DENND1A: variants seen among roughly 807,000 people sequenced by gnomAD.
DENND1A encodes the protein DENN domain-containing protein 1A.
In DENND1A, 51 loss-of-function variants were observed where a neutral mutation model predicts 113.7. That is an observed-to-expected ratio of 0.45 (90% CI 0.36 to 0.57). DENND1A has a LOEUF of 0.57. Ranked by LOEUF, DENND1A falls within the 20% of genes least tolerant of loss-of-function variation. The probability of loss-of-function intolerance (pLI) is 0.00; values close to 1 mark genes in which losing one functional copy is unlikely to be tolerated. For synonymous variants in DENND1A, 565 were observed against 570.8 expected (o/e 0.99, Z 0.14); for missense variants, 1,258 against 1,395.9 (o/e 0.90, Z 1.57).
Position 123,452,284 on chromosome 9 carries a change from A to G in DENND1A, c.1291T>C (p.Tyr431His). ...TKANPAMKTVYKFAKDHAKMG... is the reference protein window; with the variant it reads ...TKANPAMKTVHKFAKDHAKMG... ...GCAAGACCAGTACTTACGAACTTGT[A>G]GACAGTCTTCATGGCCGGATTTGCT... Residue 431 changes from tyrosine to histidine, a missense_variant, in exon 17 of 24, where the codon TAC (tyrosine) becomes CAC (histidine). By Grantham distance (83) the Tyr-to-His change is moderately conservative. Around this residue, in one of 2 missense-constraint regions of DENND1A, gnomAD observed 1,159 missense variants for 1,231.7 expected, o/e 0.94. Coordinates refer to ENST00000394215, the MANE Select transcript of DENND1A (RefSeq NM_001352964.2). 1 of 1,614,226 alleles carries G rather than the reference A, an allele frequency of 6.2e-7. No individual in the cohort carries two copies. Among genetic ancestry groups the G allele is most frequent in the South Asian group, 1.1e-5 (1 of 91,082 alleles).
intron 2 of DENND1A, among the ~76,000 whole-genome samples, chr9:123,866,070 A>G (rs1845766202): frequency 6.6e-6 from 1 of 152,174 alleles, no homozygotes; most frequent in South Asian, 2.1e-4. Flanking sequence ...TTTTCCTTTC[A>G]TGGTAAGCAC....
chr9:123,391,131 G>A (rs144393273), intron 21 of DENND1A, among the ~76,000 whole-genome samples: 32 of 152,356 alleles, frequency 2.1e-4, no homozygotes, highest in African/African-American at 7.0e-4. Context: ...TGTGGTGGGC[G>A]GGGGAAGAGA....
intron 1 of DENND1A, among the ~76,000 whole-genome samples, chr9:123,894,795 G>C (rs961133684): frequency 1.3e-5 from 2 of 152,122 alleles, no homozygotes; most frequent in African/African-American, 2.4e-5. Context: ...CACAAAATTT[G>C]TTTTTAAGTC....
chr9:123,576,329 G>A (rs913509113), intron 12 of DENND1A, among the ~76,000 whole-genome samples: 1 of 152,140 alleles, frequency 6.6e-6, no homozygotes, highest in Non-Finnish European at 1.5e-5. Context: ...TTACAAATGA[G>A]AAAGTAAATT....
chr9:123,553,402 C>A (rs1223845235), intron 13 of DENND1A, among the ~76,000 whole-genome samples: 8 of 65,572 alleles, frequency 1.2e-4, no homozygotes, highest in South Asian at 4.5e-4. Context: ...TAAAAGCCGC[C>A]CCCCCCCCGC....
chr9:123,716,200 C>T (rs2066966528), intron 5 of DENND1A, among the ~76,000 whole-genome samples: 1 of 152,172 alleles, frequency 6.6e-6, no homozygotes, highest in African/African-American at 2.4e-5. Flanking sequence ...ATTATTTTCC[C>T]TGCAATCATT....
intron 2 of DENND1A, among the ~76,000 whole-genome samples, chr9:123,837,871 G>A (rs1358818586): frequency 1.3e-5 from 2 of 152,172 alleles, no homozygotes; most frequent in Non-Finnish European, 2.9e-5. Context: ...CACTGCTCCT[G>A]CACATGTTGT....
At chr9:123,441,600 G>A (rs1442385301) in intron 18 of DENND1A, among the ~76,000 whole-genome samples, 2 of 152,244 alleles carry the variant, frequency 1.3e-5, no homozygotes, top group Non-Finnish European at 2.9e-5. Context: ...GACTATACAC[G>A]TGGGTCATTT....
At chr9:123,499,493 A>C (rs1179554678) in intron 13 of DENND1A, among the ~76,000 whole-genome samples, 1 of 152,226 alleles carries the variant, frequency 6.6e-6, no homozygotes, top group African/African-American at 2.4e-5. Flanking sequence ...GCTGAGCACC[A>C]GGCAGCGCTC....
chr9:123,548,196 C>T (rs2056825445), intron 13 of DENND1A, among the ~76,000 whole-genome samples: 1 of 152,150 alleles, frequency 6.6e-6, no homozygotes, highest in Admixed American at 6.6e-5. Context: ...GAAGCACCTC[C>T]CCTTATCCTT....
intron 2 of DENND1A, among the ~76,000 whole-genome samples, chr9:123,875,922 G>A (rs920177468): frequency 6.6e-6 from 1 of 152,186 alleles, no homozygotes; most frequent in Non-Finnish European, 1.5e-5. Context: ...CTCTTGCCAG[G>A]ACCAGTATTT....
At chr9:123,793,619 C>A (rs1195691812) in intron 2 of DENND1A, among the ~76,000 whole-genome samples, 2 of 152,090 alleles carry the variant, frequency 1.3e-5, no homozygotes, top group Non-Finnish European at 2.9e-5. Flanking sequence ...CCATGGCTAC[C>A]TTTAAACACC....
At chr9:123,809,477 A>T (rs1273446961) in intron 2 of DENND1A, among the ~76,000 whole-genome samples, 6 of 152,122 alleles carry the variant, frequency 3.9e-5, no homozygotes, top group Non-Finnish European at 8.8e-5. Flanking sequence ...AGCCTGAGAC[A>T]ACTCATTGCT....
intron 13 of DENND1A, among the ~76,000 whole-genome samples, chr9:123,500,870 G>A (rs887919343): frequency 8.5e-5 from 13 of 152,184 alleles, no homozygotes; most frequent in African/African-American, 2.9e-4. Context: ...GAGTGCTAGA[G>A]GGTTGCTGCA....
At chr9:123,750,348 C>T (rs571934020) in intron 5 of DENND1A, among the ~76,000 whole-genome samples, 2 of 152,200 alleles carry the variant, frequency 1.3e-5, no homozygotes, top group Non-Finnish European at 2.9e-5. Context: ...TCCCCAACCA[C>T]TTCATTTTTT....
chr9:123,796,734 A>T (rs544368307), intron 2 of DENND1A, among the ~76,000 whole-genome samples: 1 of 147,746 alleles, frequency 6.8e-6, no homozygotes, highest in Non-Finnish European at 1.5e-5. Context: ...TCATTTGTAC[A>T]TTGGTAACTC....
At chr9:123,632,270 C>T (rs2061509057) in intron 9 of DENND1A, among the ~76,000 whole-genome samples, 2 of 152,020 alleles carry the variant, frequency 1.3e-5, no homozygotes, top group Admixed American at 1.3e-4. Flanking sequence ...ACTGATTCAG[C>T]AGGCACCCAA....
chr9:123,529,335 G>A (rs1399939141), intron 13 of DENND1A, among the ~76,000 whole-genome samples: 1 of 152,120 alleles, frequency 6.6e-6, no homozygotes, highest in African/African-American at 2.4e-5. Context: ...TCCCCCGACT[G>A]TAGTGATACT....
At chr9:123,869,173 CTG>C in intron 2 of DENND1A, among the ~76,000 whole-genome samples, 1 of 152,332 alleles carries the variant, frequency 6.6e-6, no homozygotes, top group Admixed American at 6.5e-5. Flanking sequence ...AATCCCAACT[CTG>C]TCACTCTGTT....
Sources: gnomAD v4.1 joint callset for allele counts (sites outside exome capture counted in the v4.1 genomes callset) on GRCh38, gnomAD v4.1.1 for gene constraint, gnomAD v4.1.1 regional missense constraint, MANE v1.5 for transcripts, NCBI Gene and HGNC (gene_info 2026-07-23, HGNC 2026-07-21) for gene names.